Variants in TTC7A observed in about 807,000 individuals in gnomAD.
The protein encoded by TTC7A is tetratricopeptide repeat domain 7A, also known as tetratricopeptide repeat protein 7A.
Under a neutral mutation model 103.7 loss-of-function variants are expected in TTC7A, and 110 were observed. The ratio of observed to expected loss-of-function variants is 1.06; its 90% CI spans 0.91 to 1.24. The LOEUF (loss-of-function observed/expected upper bound fraction) is 1.24, where lower values mean the gene tolerates loss of function less well. Among genes scored for constraint, TTC7A ranks in the 50% most tolerant of loss-of-function variants. TTC7A has a pLI of 0.00. For missense variants in TTC7A, 1,340 were observed against 1,116.3 expected (o/e 1.20, Z -2.86); for synonymous variants, 521 against 467.9 (o/e 1.11, Z -1.47).
At chr2:46,992,409 A>G (rs1675725817) in intron 5 of TTC7A, among the ~76,000 whole-genome samples, 1 of 152,220 alleles carries the variant, frequency 6.6e-6, no homozygotes, top group Non-Finnish European at 1.5e-5. Context: ...AGGAGGTGAC[A>G]TTGGAACTTG....
intron 3 of TTC7A, among the ~76,000 whole-genome samples, chr2:46,961,127 C>A (rs1245274069): frequency 1.3e-5 from 2 of 152,188 alleles, no homozygotes; most frequent in African/African-American, 4.8e-5. Context: ...GCCTACGGAC[C>A]CCTGACCAAA....
intron 2 of TTC7A, among the ~76,000 whole-genome samples, chr2:46,918,548 A>ATCCTG (rs1668938515): frequency 6.6e-6 from 1 of 152,226 alleles, no homozygotes; most frequent in Non-Finnish European, 1.5e-5. Flanking sequence ...CAGGCAAATA[A>ATCCTG]TTTGGTACCA....
At chr2:47,003,848 T>C (rs942886565) in intron 8 of TTC7A, among the ~76,000 whole-genome samples, 55 of 152,322 alleles carry the variant, frequency 3.6e-4, no homozygotes, top group African/African-American at 1.2e-3. Context: ...GTCCCCACCC[T>C]GGGTGGCCAG....
At chr2:47,006,130 A>G in intron 9 of TTC7A, 71 bp downstream of exon 9, 1 of 1,570,050 alleles carries the variant, frequency 6.4e-7, no homozygotes, top group African/African-American at 1.3e-5. Context: ...AGACAGAGCC[A>G]TTTGTCCCTT....
At chr2:47,019,848 C>T (rs113682147) in intron 11 of TTC7A, among the ~76,000 whole-genome samples, 10 of 152,128 alleles carry the variant, frequency 6.6e-5, no homozygotes, top group African/African-American at 2.4e-4. Context: ...TGAATGGAGC[C>T]TCATAATGCC....
At chr2:46,925,950 T>C (rs151030880) in intron 2 of TTC7A, among the ~76,000 whole-genome samples, 90 of 152,324 alleles carry the variant, frequency 5.9e-4, no homozygotes, top group African/African-American at 2.0e-3. Flanking sequence ...TAAGATCTTA[T>C]TTTTTGGAGG....
rs74444627 is a variant in TTC7A, at chr2:46,978,562, T to TAAAAAA, written c.649-222_649-217dup. On this transcript the variant is annotated intron_variant, in intron 4 of 19. Coordinates refer to ENST00000319190, the MANE Select transcript of TTC7A (RefSeq NM_020458.4). ...GGCAACATAGTAAGACCCTGTTTCT[T>TAAAAAA]AAAAAAAAAAAAAGACAGAGGGCTT... 2.3e-5 allele frequency among the ~76,000 whole-genome samples: 3 copies of TAAAAAA among 132,746 alleles called. No homozygotes were observed. In the Admixed American group the frequency reaches 2.4e-4, roughly 11 times the overall value. The allele number at this position is 132,746 out of a possible 152,430, so 87.1% of individuals were successfully genotyped here. A position where few individuals can be genotyped will look rare whatever the true frequency, so the allele number is the denominator to read the frequency against.
At chr2:46,997,674 C>T (rs1419284836) in intron 8 of TTC7A, among the ~76,000 whole-genome samples, 1 of 152,102 alleles carries the variant, frequency 6.6e-6, no homozygotes, top group Non-Finnish European at 1.5e-5. Context: ...CTTCCCTTGC[C>T]CACTGCTCTA....
At chr2:46,965,436 C>T (rs1306976216) in intron 3 of TTC7A, among the ~76,000 whole-genome samples, 1 of 152,176 alleles carries the variant, frequency 6.6e-6, no homozygotes, top group Non-Finnish European at 1.5e-5. Flanking sequence ...GAGAGGCTGG[C>T]TTCCAGATGG....
At chr2:46,924,091 C>G (rs146144054) in intron 2 of TTC7A, among the ~76,000 whole-genome samples, 63 of 151,992 alleles carry the variant, frequency 4.1e-4, no homozygotes, top group Non-Finnish European at 7.4e-4. Flanking sequence ...TGTAGTCCAG[C>G]TACCCAGGAG....
At chr2:47,044,519 A>G (rs766050899) in intron 15 of TTC7A, among the ~76,000 whole-genome samples, 6 of 152,140 alleles carry the variant, frequency 3.9e-5, no homozygotes, top group Non-Finnish European at 5.9e-5. Context: ...CGTGCAGTCC[A>G]TGCTAGGGGG....
chr2:46,953,778 G>A (rs938276226), intron 2 of TTC7A, among the ~76,000 whole-genome samples: 4 of 151,854 alleles, frequency 2.6e-5, no homozygotes, highest in Non-Finnish European at 2.9e-5. Context: ...CTTCTGCAAC[G>A]GTATTTACTA....
intron 14 of TTC7A, among the ~76,000 whole-genome samples, chr2:47,028,020 A>C (rs558924089): frequency 6.6e-6 from 1 of 152,178 alleles, no homozygotes; most frequent in Non-Finnish European, 1.5e-5. Context: ...AGTAACCTCC[A>C]CAGCTGAATG....
intron 5 of TTC7A, among the ~76,000 whole-genome samples, chr2:46,983,804 G>C (rs1674728258): frequency 6.6e-6 from 1 of 152,192 alleles, no homozygotes. Context: ...TTGCCCTTTA[G>C]AGAAAACAGT....
chr2:47,035,307 G>T (rs1268959230), intron 15 of TTC7A: 5 of 152,190 alleles, frequency 3.3e-5, no homozygotes, highest in Non-Finnish European at 5.9e-5. Context: ...CACTTTGCTG[G>T]GTTCATTAAA....
chr2:47,073,954 G>A lies in TTC7A; in HGVS notation c.*31G>A, dbSNP rs1685005315. On this transcript the variant is annotated 3_prime_UTR_variant, in exon 20 of 20. Transcript: ENST00000319190. Reference sequence around the variant, plus strand: ...CTGCAGCCGCAGGGAGGGAGGGGCTGGCCAGAGGGAGAGGCAGCAGGGAAC... The same window carrying A: ...CTGCAGCCGCAGGGAGGGAGGGGCTAGCCAGAGGGAGAGGCAGCAGGGAAC... The A allele has an allele frequency of 6.3e-7, 1 of 1,581,150 alleles. No homozygotes were observed.
At chr2:46,967,800 T>C (rs1033976427) in intron 3 of TTC7A, among the ~76,000 whole-genome samples, 7 of 152,170 alleles carry the variant, frequency 4.6e-5, no homozygotes, top group African/African-American at 1.7e-4. Context: ...CTGGATCATA[T>C]GGTAATATCT....
intron 19 of TTC7A, among the ~76,000 whole-genome samples, chr2:47,068,923 C>T (rs907055133): frequency 2.7e-5 from 4 of 148,184 alleles, no homozygotes; most frequent in Admixed American, 1.3e-4. Context: ...GAAGGTAATG[C>T]GGCCCTTTCT....
At chr2:46,952,367 GTTAAA>G (rs1198911848) in intron 2 of TTC7A, among the ~76,000 whole-genome samples, 2 of 152,026 alleles carry the variant, frequency 1.3e-5, no homozygotes, top group African/African-American at 4.8e-5. Context: ...ATAATTAAAT[GTTAAA>G]TTAAATATTT....
Sources: gnomAD v4.1 joint callset for allele counts (sites outside exome capture counted in the v4.1 genomes callset) on GRCh38, gnomAD v4.1.1 for gene constraint, MANE v1.5 for transcripts, NCBI Gene and HGNC (gene_info 2026-07-23, HGNC 2026-07-21) for gene names.